PHEX: variants seen among roughly 807,000 people sequenced by gnomAD.
PHEX encodes the protein phosphate-regulating neutral endopeptidase PHEX.
A neutral mutation model predicts 68.0 loss-of-function variants in PHEX; 16 were observed. The ratio of observed to expected loss-of-function variants is 0.24; its 90% CI spans 0.16 to 0.36. PHEX has a LOEUF of 0.36. Among genes scored for constraint, PHEX ranks in the 10% least tolerant of loss-of-function variants. The probability of loss-of-function intolerance (pLI) is 1.00; values close to 1 mark genes in which losing one functional copy is unlikely to be tolerated. For synonymous variants in PHEX, 208 were observed against 205.1 expected (o/e 1.01, Z -0.12); for missense variants, 480 against 575.5 (o/e 0.83, Z 1.70).
At chrX:22,036,480 G>A (rs1193342428) in intron 1 of PHEX, among the ~76,000 whole-genome samples, 3 of 111,535 alleles carry the variant, frequency 2.7e-5, no homozygotes, top group African/African-American at 9.8e-5. Flanking sequence ...AGTCTTTAAC[G>A]ATTTTATTAG....
chrX:22,191,842 A>G (rs1934208843), intron 15 of PHEX, among the ~76,000 whole-genome samples: 1 of 112,647 alleles, frequency 8.9e-6, no homozygotes, highest in South Asian at 3.7e-4. Flanking sequence ...CACATGTGGC[A>G]TATTCACACA....
chrX:22,206,186 G>T (rs1463875120), intron 15 of PHEX, among the ~76,000 whole-genome samples: 1 of 112,084 alleles, frequency 8.9e-6, no homozygotes, highest in Non-Finnish European at 1.9e-5. Flanking sequence ...TGAATAATGG[G>T]ATGTATCTTA....
In PHEX at chrX:22,041,831, A is replaced by G. The variant is rs146735494; in HGVS notation, c.187+3294A>G. Among the ~76,000 whole-genome samples, 846 of 111,575 alleles carry G rather than the reference A, an allele frequency of 7.6e-3. 4 individuals carry two copies. The highest frequency in any genetic ancestry group is 0.014 in the Middle Eastern group (3 of 218). ...TCATGAGTTTTAGTTCTGTATTATG[A>G]ATCATAATAATGCAAGACTAAAACT... is the stretch of plus-strand genomic sequence containing the variant. On this transcript the variant is annotated intron_variant, in intron 2 of 21. Transcript: ENST00000379374.
intron 15 of PHEX, among the ~76,000 whole-genome samples, chrX:22,202,105 G>GAGAT (rs1271856315): frequency 8.9e-6 from 1 of 112,088 alleles, no homozygotes; most frequent in Non-Finnish European, 1.9e-5. Context: ...GAATACCACT[G>GAGAT]AGATGTATGT....
At chrX:22,113,271 T>G (rs186174069) in intron 10 of PHEX, among the ~76,000 whole-genome samples, 36 of 111,654 alleles carry the variant, frequency 3.2e-4, no homozygotes, top group African/African-American at 1.2e-3. Context: ...TAAAAATAGA[T>G]TCATCGCTTA....
intron 1 of PHEX, among the ~76,000 whole-genome samples, chrX:22,036,063 T>A (rs1385643956): frequency 0.076 from 6,452 of 84,614 alleles, 297 homozygotes; most frequent in East Asian, 0.14. Context: ...TATTTTTTTT[T>A]TTTTTTTTTT....
intron 12 of PHEX, among the ~76,000 whole-genome samples, chrX:22,138,830 G>A: frequency 8.9e-6 from 1 of 112,119 alleles, no homozygotes; most frequent in East Asian, 2.8e-4. Context: ...GGCTCACCAG[G>A]GACAGTGACT....
Position 22,130,050 on chromosome X carries a change from C to T in PHEX, c.1303-3473C>T, listed in dbSNP as rs539884716. 1.8e-4 allele frequency among the ~76,000 whole-genome samples: 20 copies of T among 111,934 alleles called. No individual in the cohort carries two copies. In the South Asian group the frequency reaches 7.4e-3, roughly 41 times the overall value. Reference sequence around the variant, plus strand: ...ATCTTTCTGAAGCCTAGGAATGAATCTGACTCTCTCTACGTTCCTCACTTT... The same window carrying T: ...ATCTTTCTGAAGCCTAGGAATGAATTTGACTCTCTCTACGTTCCTCACTTT... On this transcript the variant is annotated intron_variant, in intron 11 of 21. Transcript: ENST00000379374.
chrX:22,223,493 T>TAAAC (rs1935335840), intron 18 of PHEX, among the ~76,000 whole-genome samples: 1 of 111,843 alleles, frequency 8.9e-6, no homozygotes, highest in South Asian at 3.7e-4. Context: ...GCCTGTATTC[T>TAAAC]AAACACTTTG....
intron 15 of PHEX, 30 bp from the exon 16 acceptor site, chrX:22,212,874 A>ATATC: frequency 8.9e-7 from 1 of 1,122,610 alleles, no homozygotes; most frequent in Non-Finnish European, 1.2e-6. Context: ...CAATCTCTCT[A>ATATC]TATCTCTTAA....
At chrX:22,239,050 T>TCTTCTGTGTAGA (rs1936088036) in intron 20 of PHEX, among the ~76,000 whole-genome samples, 1 of 111,972 alleles carries the variant, frequency 8.9e-6, no homozygotes, top group Non-Finnish European at 1.9e-5. Flanking sequence ...CAATCTTTGC[T>TCTTCTGTGTAGA]CTTCTGTGTA....
chrX:22,070,615 G>A (rs2147011492), intron 3 of PHEX, among the ~76,000 whole-genome samples: 1 of 112,312 alleles, frequency 8.9e-6, no homozygotes, highest in African/African-American at 3.2e-5. Flanking sequence ...GGGCCCAGGA[G>A]GTTGAGGATT....
rs770279983 is a variant in PHEX, at chrX:22,247,978, T to C, written c.*25T>C. On this transcript the variant is annotated 3_prime_UTR_variant, in exon 22 of 22. Coordinates refer to ENST00000379374, the MANE Select transcript of PHEX (RefSeq NM_000444.6). The stretch of plus-strand genomic sequence containing the variant: ...GCTGGGACGCTGGTTTATGGCATCC[T>C]GAGACAGTTGCACAGTGCCAGCGGA... The C allele has an allele frequency of 3.8e-6, 4 of 1,046,301 alleles. No individual in the cohort carries two copies. Among genetic ancestry groups the C allele is most frequent in the African/African-American group, 1.8e-5 (1 of 54,167 alleles). 86.2% of individuals were successfully genotyped at this position (1,046,301 alleles called of 1,213,427 possible). A position where few individuals can be genotyped will look rare whatever the true frequency, so the allele number is the denominator to read the frequency against.
chrX:22,231,302 G>A (rs1004438572), intron 20 of PHEX, among the ~76,000 whole-genome samples: 3 of 111,833 alleles, frequency 2.7e-5, no homozygotes, highest in Admixed American at 9.4e-5. Flanking sequence ...AGTTAGGGAG[G>A]ATTCCCTCTT....
chrX:22,211,896 A>G (rs1332987116), intron 15 of PHEX, among the ~76,000 whole-genome samples: 1 of 111,782 alleles, frequency 8.9e-6, no homozygotes, highest in Non-Finnish European at 1.9e-5. Flanking sequence ...AAACCATTGG[A>G]TCTCATGAGA....
chrX:22,054,439 C>G (rs1475830673), intron 3 of PHEX, among the ~76,000 whole-genome samples: 1 of 111,878 alleles, frequency 8.9e-6, no homozygotes, highest in Non-Finnish European at 1.9e-5. Context: ...CCGGCCACTT[C>G]ATGAAGTTCT....
chrX:22,225,222 T>C (rs1255080751), intron 18 of PHEX, among the ~76,000 whole-genome samples: 6 of 109,627 alleles, frequency 5.5e-5, no homozygotes, highest in Non-Finnish European at 9.5e-5. Flanking sequence ...CCTTTTCCTC[T>C]TGTAAGAACT....
At chrX:22,211,476 A>G (rs1014292870) in intron 15 of PHEX, among the ~76,000 whole-genome samples, 21 of 112,526 alleles carry the variant, frequency 1.9e-4, no homozygotes, top group African/African-American at 6.8e-4. Flanking sequence ...AAGAGCATTT[A>G]ACTTGGATGT....
chrX:22,155,254 G>T (rs1038444060), intron 12 of PHEX, among the ~76,000 whole-genome samples: 1 of 112,540 alleles, frequency 8.9e-6, no homozygotes, highest in African/African-American at 3.2e-5. Context: ...TATCTCATTT[G>T]ATCTCTCCCC....
Sources: gnomAD v4.1 joint callset for allele counts (sites outside exome capture counted in the v4.1 genomes callset) on GRCh38, gnomAD v4.1.1 for gene constraint, MANE v1.5 for transcripts, NCBI Gene and HGNC (gene_info 2026-07-23, HGNC 2026-07-21) for gene names.